ADGRD2: variants seen among roughly 807,000 people sequenced by gnomAD.
The protein encoded by ADGRD2 is G protein-coupled receptor PGR24.
A neutral mutation model predicts 44.4 loss-of-function variants in ADGRD2; 71 were observed. The ratio of observed to expected loss-of-function variants is 1.60; its 90% CI spans 1.32 to 1.95. The LOEUF (loss-of-function observed/expected upper bound fraction) is 1.95, where lower values mean the gene tolerates loss of function less well. Among genes scored for constraint, ADGRD2 ranks in the 30% most tolerant of loss-of-function variants. The pLI is 0.00. For synonymous variants in ADGRD2, 481 were observed against 224.8 expected, an observed-to-expected ratio of 2.14 and a Z score of -10.19; for missense variants, 1,039 against 512.4, an observed-to-expected ratio of 2.03 and a Z score of -9.92.
intron 13 of ADGRD2, 71 bp downstream of exon 16, chr9:124,468,261 A>AC (rs1223184110): frequency 9.8e-6 from 7 of 712,446 alleles, no homozygotes; most frequent in African/African-American, 1.8e-5. Flanking sequence ...TTCTAGGGTG[A>AC]CCCCCTGCCC....
At chr9:124,457,514 G>C (rs1433494871) in exon 8 of ADGRD2, 1 of 683,426 alleles carries the variant, frequency 1.5e-6, no homozygotes, top group Admixed American at 2.1e-5. Context: ...GCCAGCACGA[G>C]GGGCTGCTTA....
Position 124,454,977 on chromosome 9 carries a change from C to T in ADGRD2, c.1245C>T (p.Val415=). The T allele has an allele frequency of 2.8e-6, 2 of 718,314 alleles. No homozygotes were observed. The highest frequency in any genetic ancestry group is 2.6e-6 in the Non-Finnish European group (1 of 385,092). The allele number at this position is 718,314 out of a possible 1,614,324, so 44.5% of individuals were successfully genotyped here. A position where few individuals can be genotyped will look rare whatever the true frequency, so the allele number is the denominator to read the frequency against. Residue 415 remains valine (V), a synonymous_variant, in exon 6 of 22, where the codon GTC becomes GTT. Coordinates refer to ENST00000334810, the Ensembl canonical transcript of ADGRD2. This position sits in a 1 kb window ranked among gnomAD's most constrained non-coding sequence, Gnocchi z 4.5. ...GGCCGGCCGCACTGCTGGCTGTTGT[C>T]CGCTTCCTGAAGAGGGTGGTGGCCC... is the stretch of plus-strand genomic sequence containing the variant.
In ADGRD2 at chr9:124,469,233, G is replaced by A. The variant is rs1831893896; in HGVS notation, c.2401G>A (p.Gly801Ser). 3 of 714,808 alleles carry A rather than the reference G, an allele frequency of 4.2e-6. No individual in the cohort carries two copies. The South Asian group carries it at 4.4e-5, about 11-fold the overall frequency. The allele number at this position is 714,808 out of a possible 1,614,324, so 44.3% of individuals were successfully genotyped here. A position where few individuals can be genotyped will look rare whatever the true frequency, so the allele number is the denominator to read the frequency against. The change falls in exon 15 of 22, where the codon GGC becomes AGC. Residue 801 changes from glycine (G) to serine (S), a missense_variant. By Grantham distance (56) the Gly-to-Ser change is moderately conservative. Coordinates refer to ENST00000334810, the Ensembl canonical transcript of ADGRD2. ...TCTCCCTCTCCCAGGCGTGCCTGTG[G>A]GCATCGTGGCGGTCACCCTGGCCAT... is the stretch of plus-strand genomic sequence containing the variant.
chr9:124,464,843 G>A lies in ADGRD2; in HGVS notation c.1871-1415G>A, dbSNP rs553596109. Among the ~76,000 whole-genome samples the A allele has an allele frequency of 3.3e-5, 5 of 152,160 alleles. No homozygotes were observed. The South Asian group carries it at 8.3e-4, about 25-fold the overall frequency. ...GTGTATGTGTTTTCACAAGTATGCA[G>A]ACCTTAATTTTTCACATAAATGGGC... On this transcript the variant is annotated intron_variant, in intron 10 of 21. Transcript: ENST00000334810.
chr9:124,473,201 G>C (rs116039009), intron 17 of ADGRD2, among the ~76,000 whole-genome samples: 4 of 152,286 alleles, frequency 2.6e-5, no homozygotes, highest in African/African-American at 9.6e-5. Context: ...CTTTTAGGAG[G>C]GTGACCAAGT....
upstream of ADGRD2, chr9:124,451,999 C>A (rs187694669): frequency 2.8e-3 from 938 of 340,352 alleles, 5 homozygotes; most frequent in African/African-American, 0.02. Flanking sequence ...CACTGAATGC[C>A]CCCCTCCCAC....
chr9:124,456,591 GAC>G lies in ADGRD2; in HGVS notation c.1394-29_1394-28del, dbSNP rs1275738475. 8 of 717,636 alleles carry G rather than the reference GAC, an allele frequency of 1.1e-5. No homozygotes were observed. In the Middle Eastern group the frequency reaches 6.8e-4, roughly 61 times the overall value. 44.5% of individuals were successfully genotyped at this position (717,636 alleles called of 1,614,324 possible). A position where few individuals can be genotyped will look rare whatever the true frequency, so the allele number is the denominator to read the frequency against. ...CAGGCGGCAGTGGGGTGCAGAGTGT[GAC>G]AGAGAGCTGAGATGCAGCGTCCTCC... On this transcript the variant is annotated intron_variant, in intron 6 of 21. Transcript: ENST00000334810.
At chr9:124,468,439 C>G in intron 13 of ADGRD2, 80 bp from the exon 17 acceptor site, 1 of 712,118 alleles carries the variant, frequency 1.4e-6, no homozygotes, top group Non-Finnish European at 2.6e-6. Context: ...TTGGCAAGGC[C>G]GGGCTGGGCA....
exon 3 of ADGRD2, chr9:124,453,411 C>A: frequency 1.6e-6 from 1 of 611,946 alleles, no homozygotes; most frequent in Non-Finnish European, 2.9e-6. Flanking sequence ...GGGGGCTGGG[C>A]GCCGGCCACC....
chr9:124,455,060 G>T (rs1047015414), exon 6 of ADGRD2: 2 of 717,812 alleles, frequency 2.8e-6, no homozygotes, highest in Admixed American at 4.0e-5. Flanking sequence ...CTGAGCCAAG[G>T]CGTTGTATCT....
exon 17 of ADGRD2, chr9:124,470,600 C>A: frequency 1.4e-6 from 1 of 707,292 alleles, no homozygotes; most frequent in African/African-American, 1.7e-5. Context: ...TGCCGTGGGC[C>A]TCAACTCCAT....
chr9:124,469,494 C>T (rs771873677), exon 16 of ADGRD2: 5 of 718,028 alleles, frequency 7.0e-6, no homozygotes, highest in Non-Finnish European at 1.0e-5. Context: ...GCCGCCGTGC[C>T]CGCATGTTGA....
intron 10 of ADGRD2, among the ~76,000 whole-genome samples, chr9:124,461,112 G>A (rs1302252692): frequency 1.3e-5 from 2 of 152,096 alleles, no homozygotes; most frequent in Non-Finnish European, 2.9e-5. Context: ...TTTCTTAAAT[G>A]CATCTTCAAA....
chr9:124,471,092 C>G (rs764095075), intron 17 of ADGRD2, among the ~76,000 whole-genome samples: 46 of 152,148 alleles, frequency 3.0e-4, no homozygotes, highest in Non-Finnish European at 5.7e-4. Context: ...CTTCCCGGGT[C>G]TCTTGGGGCC....
intron 7 of ADGRD2, 21 bp from the exon 11 acceptor site, chr9:124,457,450 AC>A: frequency 1.7e-6 from 1 of 581,106 alleles, no homozygotes; most frequent in Non-Finnish European, 3.1e-6. Context: ...AGGTCCAGCC[AC>A]CCAGCCCCAT....
intron 13 of ADGRD2, 117 bp downstream of exon 16, chr9:124,468,307 G>C: frequency 1.4e-6 from 1 of 692,516 alleles, no homozygotes; most frequent in South Asian, 1.5e-5. Flanking sequence ...TCCCTGGGGA[G>C]GAGCAGGGCC....
chr9:124,453,328 G>A, exon 3 of ADGRD2: 2 of 501,862 alleles, frequency 4.0e-6, no homozygotes, highest in Non-Finnish European at 6.9e-6. Context: ...CTGGCACCAT[G>A]TGTGCGCCAC....
chr9:124,467,340 C>CAA (rs59651695), intron 11 of ADGRD2: 1,121 of 104,868 alleles, frequency 0.011, 29 homozygotes, highest in African/African-American at 0.037. Context: ...CTTGAAGCAA[C>CAA]AAAAAAAAAA....
chr9:124,459,082 T>A (rs1831675201), intron 10 of ADGRD2, among the ~76,000 whole-genome samples: 1 of 152,192 alleles, frequency 6.6e-6, no homozygotes, highest in South Asian at 2.1e-4. Context: ...CACTGCAGCA[T>A]GTGCAGTGAA....
Sources: gnomAD v4.1 joint callset for allele counts (sites outside exome capture counted in the v4.1 genomes callset) on GRCh38, gnomAD v4.1.1 for gene constraint, Gnocchi (gnomAD v3.1) non-coding constraint, MANE v1.5 for transcripts, NCBI Gene and HGNC (gene_info 2026-07-23, HGNC 2026-07-21) for gene names.